SPOPL: variants seen among roughly 807,000 people sequenced by gnomAD.
The protein encoded by SPOPL is speckle-type POZ protein-like.
SPOPL carries 23 observed loss-of-function variants against 53.8 expected under a neutral mutation model. The observed-to-expected ratio is 0.43, with a 90% CI of 0.31 to 0.61. The LOEUF (loss-of-function observed/expected upper bound fraction) is 0.61, where lower values mean the gene tolerates loss of function less well. SPOPL is among the 20% of genes least tolerant of loss of function. The pLI is 0.12. For missense variants in SPOPL, 442 were observed against 466.9 expected (o/e 0.95, Z 0.49); for synonymous variants, 164 against 149.7 (o/e 1.10, Z -0.70).
intron 1 of SPOPL, among the ~76,000 whole-genome samples, chr2:138,537,945 T>G (rs555940739): frequency 6.6e-6 from 1 of 152,324 alleles, no homozygotes; most frequent in East Asian, 1.9e-4. Flanking sequence ...GTTCAGTCTC[T>G]GCTGGTTATG....
intron 1 of SPOPL, among the ~76,000 whole-genome samples, chr2:138,524,963 C>T (rs922090251): frequency 6.6e-6 from 1 of 152,166 alleles, no homozygotes; most frequent in South Asian, 2.1e-4. Context: ...CAGACCGTTC[C>T]AGTCTCTGCC....
intron 1 of SPOPL, among the ~76,000 whole-genome samples, chr2:138,541,916 C>G (rs1226528804): frequency 2.0e-5 from 3 of 152,084 alleles, no homozygotes; most frequent in Middle Eastern, 3.2e-3. Flanking sequence ...GAATGCATCC[C>G]AGAGATTCTG....
At chr2:138,568,146 G>A (rs1259610021) in intron 10 of SPOPL, among the ~76,000 whole-genome samples, 1 of 152,156 alleles carries the variant, frequency 6.6e-6, no homozygotes, top group Admixed American at 6.5e-5. Flanking sequence ...TTTAAGAGGA[G>A]CAGGAAACTA....
chr2:138,552,759 TTTAAAA>T, intron 5 of SPOPL, 78 bp downstream of exon 5: 4 of 1,454,860 alleles, frequency 2.7e-6, no homozygotes, highest in South Asian at 1.4e-5. Flanking sequence ...TTAATAACAC[TTTAAAA>T]TTAAGTAATT....
chr2:138,563,793 G>A (rs1280099781), intron 8 of SPOPL, among the ~76,000 whole-genome samples: 1 of 152,180 alleles, frequency 6.6e-6, no homozygotes, highest in Non-Finnish European at 1.5e-5. Flanking sequence ...TGGAAAGAAA[G>A]CATATGCCCA....
chr2:138,526,667 C>T (rs908209390), intron 1 of SPOPL, among the ~76,000 whole-genome samples: 1 of 151,154 alleles, frequency 6.6e-6, no homozygotes, highest in African/African-American at 2.4e-5. Context: ...TCAAACTTTT[C>T]AAGTATGTGT....
chr2:138,550,410 T>C, intron 2 of SPOPL, 73 bp from the exon 3 acceptor site: 1 of 1,585,536 alleles, frequency 6.3e-7, no homozygotes, highest in Non-Finnish European at 8.6e-7. Context: ...GACTGGATCG[T>C]AGGATGTTGA....
chr2:138,523,991 G>A (rs1303007973), intron 1 of SPOPL, among the ~76,000 whole-genome samples: 1 of 152,140 alleles, frequency 6.6e-6, no homozygotes, highest in Non-Finnish European at 1.5e-5. Flanking sequence ...ATTCTGTTGG[G>A]GGAGGGCTCT....
intron 1 of SPOPL, among the ~76,000 whole-genome samples, chr2:138,529,515 T>C (rs1260664714): frequency 6.8e-6 from 1 of 147,284 alleles, no homozygotes; most frequent in Non-Finnish European, 1.5e-5. Flanking sequence ...TGTGTGTGTG[T>C]GTGTGTGTGT....
chr2:138,556,539 T>C (rs1240124278), intron 5 of SPOPL, among the ~76,000 whole-genome samples: 1 of 152,200 alleles, frequency 6.6e-6, no homozygotes, highest in Admixed American at 6.5e-5. Flanking sequence ...AAAGACCTGA[T>C]CCCTTACGAA....
At chr2:138,568,076 A>G (rs1358524053) in intron 10 of SPOPL, among the ~76,000 whole-genome samples, 1 of 152,168 alleles carries the variant, frequency 6.6e-6, no homozygotes, top group Non-Finnish European at 1.5e-5. Flanking sequence ...AGTGGGGAAC[A>G]ATGAAGAGGG....
At chr2:138,568,564 A>G (rs1176555420) in intron 10 of SPOPL, among the ~76,000 whole-genome samples, 3 of 152,148 alleles carry the variant, frequency 2.0e-5, no homozygotes, top group African/African-American at 4.8e-5. Flanking sequence ...TTAGTAATGC[A>G]TGTTAAGGGG....
chr2:138,561,822 AATG>A (rs1429102545), intron 8 of SPOPL, among the ~76,000 whole-genome samples: 2 of 152,098 alleles, frequency 1.3e-5, no homozygotes, highest in Non-Finnish European at 1.5e-5. Context: ...TCACCCAGGT[AATG>A]ATGATAGTAC....
intron 1 of SPOPL, among the ~76,000 whole-genome samples, chr2:138,539,875 G>T (rs1402421576): frequency 1.3e-5 from 2 of 152,068 alleles, no homozygotes; most frequent in African/African-American, 4.8e-5. Context: ...GGGTTTTTAT[G>T]GTTTTAGGTC....
rs891840957 is a variant in SPOPL, at chr2:138,571,856, A to G, written c.*2776A>G. ...AGAAATACTATATTTGTGCCTTTTC[A>G]TTTTTAATTTTAATGTGTGTTGATA... is the stretch of plus-strand genomic sequence containing the variant. On this transcript the variant is annotated 3_prime_UTR_variant, in exon 11 of 11. Transcript: ENST00000280098. 1 of 152,580 alleles carries G rather than the reference A, an allele frequency of 6.6e-6. No individual in the cohort carries two copies. The highest frequency in any genetic ancestry group is 2.4e-5 in the African/African-American group (1 of 41,432). The allele number at this position is 152,580 out of a possible 1,614,324, so 9.5% of individuals were successfully genotyped here. A position where few individuals can be genotyped will look rare whatever the true frequency, so the allele number is the denominator to read the frequency against.
intron 1 of SPOPL, among the ~76,000 whole-genome samples, chr2:138,505,266 CA>C (rs1256885489): frequency 1.3e-5 from 2 of 152,104 alleles, no homozygotes; most frequent in Admixed American, 1.3e-4. Flanking sequence ...AGTCTTATGT[CA>C]AGCCTTATAT....
intron 5 of SPOPL, among the ~76,000 whole-genome samples, chr2:138,557,793 TAA>T (rs1685459920): frequency 6.6e-6 from 1 of 152,220 alleles, no homozygotes; most frequent in Non-Finnish European, 1.5e-5. Flanking sequence ...GTATTTTCTT[TAA>T]GTGTATTTTT....
At chr2:138,556,772 G>T (rs1685433768) in intron 5 of SPOPL, among the ~76,000 whole-genome samples, 1 of 152,096 alleles carries the variant, frequency 6.6e-6, no homozygotes, top group Non-Finnish European at 1.5e-5. Context: ...CATCTCCTAA[G>T]ATTGTTGTAA....
chr2:138,524,276 C>T (rs1684622090), intron 1 of SPOPL, among the ~76,000 whole-genome samples: 1 of 152,196 alleles, frequency 6.6e-6, no homozygotes. Flanking sequence ...ACCCAGAGCA[C>T]CAAGTCCCTA....
Sources: gnomAD v4.1 joint callset for allele counts (sites outside exome capture counted in the v4.1 genomes callset) on GRCh38, gnomAD v4.1.1 for gene constraint, MANE v1.5 for transcripts, NCBI Gene and HGNC (gene_info 2026-07-23, HGNC 2026-07-21) for gene names.